SPOCK3: variants seen among roughly 807,000 people sequenced by gnomAD.
The protein encoded by SPOCK3 is testican-3.
SPOCK3 carries 30 observed loss-of-function variants against 56.6 expected under a neutral mutation model. That is an observed-to-expected ratio of 0.53 (90% CI 0.40 to 0.72). The LOEUF (loss-of-function observed/expected upper bound fraction) is 0.72. Among genes scored for constraint, SPOCK3 ranks in the 30% least tolerant of loss-of-function variants. The pLI, the probability that SPOCK3 is intolerant of heterozygous loss-of-function variation, is 0.00. For missense variants in SPOCK3, 527 were observed against 530.0 expected (o/e 0.99, Z 0.06); for synonymous variants, 196 against 183.3 (o/e 1.07, Z -0.56).
intron 4 of SPOCK3, among the ~76,000 whole-genome samples, chr4:166,962,492 G>C (rs55935781): frequency 0.028 from 4,327 of 152,152 alleles, 182 homozygotes; most frequent in African/African-American, 0.098. Flanking sequence ...GTGATATTCA[G>C]CAGCATTAGA....
chr4:167,016,994 A>T (rs1561123945), intron 3 of SPOCK3, among the ~76,000 whole-genome samples: 1 of 152,172 alleles, frequency 6.6e-6, no homozygotes, highest in Admixed American at 6.5e-5. Flanking sequence ...CTATTAGGCT[A>T]GGGTGTAGTA....
At chr4:166,904,865 T>C (rs1736448758) in intron 5 of SPOCK3, among the ~76,000 whole-genome samples, 1 of 152,080 alleles carries the variant, frequency 6.6e-6, no homozygotes. Context: ...GGCAAAGTGA[T>C]GAATAATTAA....
At chr4:166,858,251 G>C (rs1730889140) in intron 6 of SPOCK3, among the ~76,000 whole-genome samples, 1 of 152,114 alleles carries the variant, frequency 6.6e-6, no homozygotes, top group Non-Finnish European at 1.5e-5. Context: ...AATTTGGAAG[G>C]CTCCCTATTT....
At chr4:166,742,598 G>C (rs943244343) in intron 8 of SPOCK3, among the ~76,000 whole-genome samples, 1 of 151,964 alleles carries the variant, frequency 6.6e-6, no homozygotes, top group Non-Finnish European at 1.5e-5. Context: ...TTATGTTAAA[G>C]ACCTTATTAT....
chr4:167,096,965 G>A (rs2150318177), intron 2 of SPOCK3, among the ~76,000 whole-genome samples: 1 of 151,724 alleles, frequency 6.6e-6, no homozygotes, highest in African/African-American at 2.4e-5. Flanking sequence ...GTTTAGTATT[G>A]TTATGTCTTC....
chr4:167,007,033 T>C (rs956434819), intron 3 of SPOCK3, among the ~76,000 whole-genome samples: 2 of 152,214 alleles, frequency 1.3e-5, no homozygotes, highest in Non-Finnish European at 2.9e-5. Flanking sequence ...CTAGAATTCA[T>C]AAGCCTGTTC....
chr4:167,216,064 T>A (rs1283728529), intron 2 of SPOCK3, among the ~76,000 whole-genome samples: 1 of 152,156 alleles, frequency 6.6e-6, no homozygotes, highest in African/African-American at 2.4e-5. Flanking sequence ...AAATGTTGCC[T>A]GGGTAAATGA....
chr4:167,161,107 A>G (rs1241763505), intron 2 of SPOCK3, among the ~76,000 whole-genome samples: 1 of 152,196 alleles, frequency 6.6e-6, no homozygotes, highest in Non-Finnish European at 1.5e-5. Context: ...TGAACAGGCA[A>G]CCTACAGAAT....
At chr4:166,890,090 T>A (rs1439483662) in intron 5 of SPOCK3, among the ~76,000 whole-genome samples, 2 of 151,960 alleles carry the variant, frequency 1.3e-5, no homozygotes, top group African/African-American at 4.8e-5. Context: ...ATATCTTACG[T>A]TTCTACAAGC....
intron 4 of SPOCK3, among the ~76,000 whole-genome samples, chr4:166,931,338 G>T (rs1187367297): frequency 1.0e-5 from 1 of 97,016 alleles, no homozygotes; most frequent in East Asian, 3.7e-4. Context: ...TGTGGGGGGT[G>T]GGGGGGCAAG....
intron 2 of SPOCK3, among the ~76,000 whole-genome samples, chr4:167,189,895 G>A (rs960390708): frequency 2.1e-5 from 3 of 145,514 alleles, no homozygotes; most frequent in African/African-American, 7.9e-5. Context: ...TTCTGAGTTT[G>A]GCTTACTTTA....
intron 5 of SPOCK3, among the ~76,000 whole-genome samples, chr4:166,901,514 G>A (rs1404685897): frequency 1.3e-5 from 2 of 152,266 alleles, no homozygotes; most frequent in Non-Finnish European, 1.5e-5. Context: ...GCGAAGTGAA[G>A]TGATCAATGA....
chr4:166,812,082 T>C (rs1255744213), intron 6 of SPOCK3, among the ~76,000 whole-genome samples: 1 of 151,806 alleles, frequency 6.6e-6, no homozygotes, highest in Non-Finnish European at 1.5e-5. Context: ...CAAATACTGA[T>C]TAGTGTTTCC....
intron 2 of SPOCK3, among the ~76,000 whole-genome samples, chr4:167,161,165 C>T (rs546112395): frequency 2.4e-4 from 37 of 152,000 alleles, no homozygotes; most frequent in African/African-American, 7.5e-4. Flanking sequence ...GCTAATATCC[C>T]GAATCTACAA....
intron 6 of SPOCK3, among the ~76,000 whole-genome samples, chr4:166,820,714 C>T (rs995582862): frequency 1.3e-5 from 2 of 151,800 alleles, no homozygotes; most frequent in African/African-American, 4.8e-5. Flanking sequence ...GTTCCAGGTA[C>T]TTGGGAGGCT....
intron 4 of SPOCK3, among the ~76,000 whole-genome samples, chr4:166,934,046 T>TA (rs1237327345): frequency 1.3e-5 from 2 of 151,916 alleles, no homozygotes; most frequent in South Asian, 2.1e-4. Context: ...ACAGGTAGGG[T>TA]AAAATCTCAA....
At chr4:167,079,294 C>A (rs879340042) in intron 2 of SPOCK3, among the ~76,000 whole-genome samples, 21 of 151,958 alleles carry the variant, frequency 1.4e-4, no homozygotes, top group Non-Finnish European at 2.5e-4. Context: ...AAGCTTCCCA[C>A]AAAATTGTTT....
intron 6 of SPOCK3, among the ~76,000 whole-genome samples, chr4:166,802,184 G>T (rs1742676301): frequency 6.6e-6 from 1 of 151,668 alleles, no homozygotes; most frequent in South Asian, 2.1e-4. Flanking sequence ...ATAAGTAAAT[G>T]ATGCTGAATG....
intron 4 of SPOCK3, among the ~76,000 whole-genome samples, chr4:166,959,423 G>A (rs893160391): frequency 2.0e-5 from 3 of 151,976 alleles, no homozygotes; most frequent in Admixed American, 6.6e-5. Context: ...GACCAGCCTG[G>A]CCAGCATAGC....
Sources: gnomAD v4.1 joint callset for allele counts (sites outside exome capture counted in the v4.1 genomes callset) on GRCh38, gnomAD v4.1.1 for gene constraint, MANE v1.5 for transcripts, NCBI Gene and HGNC (gene_info 2026-07-23, HGNC 2026-07-21) for gene names.